CA13: variants seen among roughly 807,000 people sequenced by gnomAD.
The protein encoded by CA13 is carbonic anhydrase 13.
In CA13, 21 loss-of-function variants were observed where a neutral mutation model predicts 31.5. The ratio of observed to expected loss-of-function variants is 0.67; its 90% CI spans 0.47 to 0.96. CA13 has a LOEUF of 0.96. Ranked by LOEUF, CA13 falls within the 40% of genes least tolerant of loss-of-function variation. The probability of loss-of-function intolerance (pLI) is 0.00; values close to 1 mark genes in which losing one functional copy is unlikely to be tolerated. For synonymous variants in CA13, 117 were observed against 111.4 expected, an observed-to-expected ratio of 1.05 and a Z score of -0.32; for missense variants, 315 against 318.9, an observed-to-expected ratio of 0.99 and a Z score of 0.09.
At chr8:85,269,982 C>T (rs1269907418) in intron 6 of CA13, among the ~76,000 whole-genome samples, 3 of 152,170 alleles carry the variant, frequency 2.0e-5, no homozygotes. Flanking sequence ...TTCGGCCTCC[C>T]AAAGTGCTAG....
intron 1 of CA13, among the ~76,000 whole-genome samples, chr8:85,248,328 G>A (rs1043100462): frequency 2.6e-5 from 4 of 151,882 alleles, no homozygotes; most frequent in Admixed American, 6.6e-5. Context: ...GTGGTGGTGC[G>A]TGCCTGTAAT....
At chr8:85,276,153 C>A (rs936617496) in intron 6 of CA13, among the ~76,000 whole-genome samples, 1 of 152,104 alleles carries the variant, frequency 6.6e-6, no homozygotes, top group Non-Finnish European at 1.5e-5. Flanking sequence ...GTCCCGCACT[C>A]GGAGCGGCGG....
At chr8:85,280,883 T>C (rs1341630292) in intron 6 of CA13, among the ~76,000 whole-genome samples, 1 of 152,226 alleles carries the variant, frequency 6.6e-6, no homozygotes, top group Admixed American at 6.5e-5. Context: ...TTCATTTTTG[T>C]CATAAAATGT....
intron 6 of CA13, among the ~76,000 whole-genome samples, chr8:85,271,443 C>G (rs1020891910): frequency 1.3e-5 from 2 of 152,120 alleles, no homozygotes; most frequent in Non-Finnish European, 2.9e-5. Context: ...TTTTCTCTTT[C>G]AGAGTCACTC....
At chr8:85,273,445 G>T (rs953738732) in intron 6 of CA13, among the ~76,000 whole-genome samples, 1 of 152,084 alleles carries the variant, frequency 6.6e-6, no homozygotes, top group Non-Finnish European at 1.5e-5. Context: ...CAGGCTGGGC[G>T]CAGTGGCTCA....
At position 85,281,807 on chromosome 8, in the gene CA13, C is replaced by T. The variant is rs1161575944; in HGVS notation, c.*458C>T. On this transcript the variant is annotated 3_prime_UTR_variant, in exon 7 of 7. Coordinates refer to ENST00000321764, the MANE Select transcript of CA13 (RefSeq NM_198584.3). ...TGCTGGGATTTCAGGCATGGGTCAT[C>T]AAGCCCAGCTGACCCAGAGCTCTTT... The T allele has an allele frequency of 1.3e-5, 2 of 153,728 alleles. No homozygotes were observed. The highest frequency in any genetic ancestry group is 4.8e-5 in the African/African-American group (2 of 41,436). 9.5% of individuals were successfully genotyped at this position (153,728 alleles called of 1,614,324 possible).
In CA13 at chr8:85,259,461, G is replaced by A; in HGVS notation, c.276G>A (p.Arg92=). 1 of 1,614,060 alleles carries A rather than the reference G, an allele frequency of 6.2e-7. No individual in the cohort carries two copies. ...CTCTCACTGGAAGCTACAGGTTACG[G>A]CAGGTTCACCTTCACTGGGGGTCCG... ...GGPLTGSYRL[R]QVHLHWGSAD... is the part of the protein sequence containing the mutation. The change falls in exon 3 of 7, where the codon CGG becomes CGA. Residue 92 remains arginine (R), a synonymous_variant. Transcript: ENST00000321764.
At chr8:85,255,408 G>T (rs561227071) in intron 2 of CA13, among the ~76,000 whole-genome samples, 1 of 151,868 alleles carries the variant, frequency 6.6e-6, no homozygotes, top group Admixed American at 6.6e-5. Flanking sequence ...GATTACAGGC[G>T]CACGTCACCA....
chr8:85,272,027 C>T (rs962312080), intron 6 of CA13, among the ~76,000 whole-genome samples: 5 of 152,156 alleles, frequency 3.3e-5, no homozygotes, highest in East Asian at 3.9e-4. Context: ...CATATTGCGC[C>T]GCTGTACTCC....
At chr8:85,264,920 C>T (rs1265839285) in intron 3 of CA13, among the ~76,000 whole-genome samples, 2 of 152,198 alleles carry the variant, frequency 1.3e-5, no homozygotes, top group African/African-American at 4.8e-5. Context: ...CATGGCACTA[C>T]AGGAATCTAC....
At chr8:85,250,126 G>A (rs760468343) in intron 1 of CA13, among the ~76,000 whole-genome samples, 27 of 152,164 alleles carry the variant, frequency 1.8e-4, no homozygotes, top group Non-Finnish European at 3.5e-4. Flanking sequence ...ACAATATTAC[G>A]TTTCCTGACG....
Position 85,268,464 on chromosome 8 carries a change from T to A in CA13, c.514-8T>A, listed in dbSNP as rs1409489237. On this transcript the variant is annotated splice_polypyrimidine_tract_variant and splice_region_variant and intron_variant, in intron 5 of 6. Coordinates refer to ENST00000321764, the MANE Select transcript of CA13 (RefSeq NM_198584.3). ...TGTAATTTGTGGGAATTCTTTTTGA[T>A]CCTCCAGGGTAAACAAACTCGATTC... 1.9e-6 allele frequency: 3 copies of A among 1,613,800 alleles called. No individual in the cohort carries two copies. The highest frequency in any genetic ancestry group is 2.5e-6 in the Non-Finnish European group (3 of 1,179,858).
At chr8:85,252,255 C>CAAAAAAAAAAAAAAAAAAAAAAAAAA (rs1177337198) in intron 2 of CA13, among the ~76,000 whole-genome samples, 1 of 151,584 alleles carries the variant, frequency 6.6e-6, no homozygotes, top group African/African-American at 2.4e-5. Flanking sequence ...GATCCTGTCT[C>CAAAAAAAAAAAAAAAAAAAAAAAAAA]AAAAGATAAA....
chr8:85,266,681 C>G lies in CA13; in HGVS notation c.428C>G (p.Ala143Gly). 1 of 1,613,802 alleles carries G rather than the reference C, an allele frequency of 6.2e-7. No homozygotes were observed. The highest frequency in any genetic ancestry group is 8.5e-7 in the Non-Finnish European group (1 of 1,179,740). The change falls in exon 4 of 7, where the codon GCT (alanine) becomes GGT (glycine). Residue 143 changes from alanine (A) to glycine (G), a missense_variant. Transcript: ENST00000321764. ...GCAGCTCATGAACCAGATGGACTGG[C>G]TGTCTTGGGAGTGTTTTTACAGGTG... ...VEAAHEPDGLAVLGVFLQIGE... is the reference protein window; with the variant it reads ...VEAAHEPDGLGVLGVFLQIGE...
intron 3 of CA13, 116 bp downstream of exon 3, chr8:85,259,655 T>C: frequency 1.3e-6 from 1 of 754,462 alleles, no homozygotes; most frequent in Non-Finnish European, 2.2e-6. Context: ...TATCTTAGTG[T>C]CTGAAACTGC....
intron 2 of CA13, among the ~76,000 whole-genome samples, chr8:85,251,684 A>C (rs1226357154): frequency 6.6e-6 from 1 of 152,226 alleles, no homozygotes; most frequent in Non-Finnish European, 1.5e-5. Flanking sequence ...CTCTTATTTT[A>C]ATTGCCAAAG....
At chr8:85,269,922 C>T (rs144396141) in intron 6 of CA13, among the ~76,000 whole-genome samples, 1 of 152,102 alleles carries the variant, frequency 6.6e-6, no homozygotes, top group East Asian at 1.9e-4. Flanking sequence ...GCATTATTGC[C>T]CTGGCTGGTC....
At chr8:85,263,684 G>A (rs1388446651) in intron 3 of CA13, among the ~76,000 whole-genome samples, 1 of 152,170 alleles carries the variant, frequency 6.6e-6, no homozygotes, top group Non-Finnish European at 1.5e-5. Flanking sequence ...AGTCTGGGAA[G>A]GAGCAGGTTG....
chr8:85,275,306 T>C (rs1807586177), intron 6 of CA13, among the ~76,000 whole-genome samples: 1 of 152,162 alleles, frequency 6.6e-6, no homozygotes, highest in African/African-American at 2.4e-5. Flanking sequence ...TTGCGGGATA[T>C]GCACACCGTC....
Sources: gnomAD v4.1 joint callset for allele counts (sites outside exome capture counted in the v4.1 genomes callset) on GRCh38, gnomAD v4.1.1 for gene constraint, MANE v1.5 for transcripts, NCBI Gene and HGNC (gene_info 2026-07-23, HGNC 2026-07-21) for gene names.